ZFHX3: variants seen among roughly 807,000 people sequenced by gnomAD.
The protein encoded by ZFHX3 is zinc finger homeobox 3.
A neutral mutation model predicts 279.1 loss-of-function variants in ZFHX3; 42 were observed. The ratio of observed to expected loss-of-function variants is 0.15; its 90% CI spans 0.12 to 0.19. The LOEUF (loss-of-function observed/expected upper bound fraction) is 0.19. Among genes scored for constraint, ZFHX3 ranks in the 10% least tolerant of loss-of-function variants. ZFHX3 has a pLI of 1.00. For missense variants in ZFHX3, 4,981 were observed against 4,754.0 expected, an observed-to-expected ratio of 1.05 and a Z score of -1.40; for synonymous variants, 2,293 against 1,957.8, an observed-to-expected ratio of 1.17 and a Z score of -4.52.
intron 2 of ZFHX3, among the ~76,000 whole-genome samples, chr16:73,468,045 G>A (rs2018602622): frequency 6.6e-6 from 1 of 152,174 alleles, no homozygotes; most frequent in African/African-American, 2.4e-5. Flanking sequence ...GAAACTTTAG[G>A]TGGTGCATCA....
At chr16:73,459,482 C>A (rs750129713) in intron 2 of ZFHX3, among the ~76,000 whole-genome samples, 2 of 152,206 alleles carry the variant, frequency 1.3e-5, no homozygotes, top group Non-Finnish European at 2.9e-5. Context: ...CCTGCCTCAG[C>A]CTCCCAAGTA....
intron 3 of ZFHX3, among the ~76,000 whole-genome samples, chr16:73,320,397 C>T (rs908089711): frequency 2.0e-5 from 3 of 152,102 alleles, no homozygotes; most frequent in African/African-American, 2.4e-5. Flanking sequence ...CTCTAATAAC[C>T]GCGAGGGTGG....
intron 1 of ZFHX3, among the ~76,000 whole-genome samples, chr16:73,025,186 C>T (rs1443725774): frequency 6.6e-6 from 1 of 152,088 alleles, no homozygotes; most frequent in African/African-American, 2.4e-5. Context: ...AATGTCATGT[C>T]AGCTATGAAA....
At chr16:72,866,886 A>G (rs746402030) in intron 4 of ZFHX3, among the ~76,000 whole-genome samples, 5 of 152,232 alleles carry the variant, frequency 3.3e-5, no homozygotes, top group Non-Finnish European at 7.3e-5. Flanking sequence ...CCTTAACTGA[A>G]GCCAGAGAAT....
intron 5 of ZFHX3, among the ~76,000 whole-genome samples, chr16:72,820,412 G>A (rs370532437): frequency 6.6e-6 from 1 of 152,180 alleles, no homozygotes; most frequent in Admixed American, 6.5e-5. Flanking sequence ...CTCCCTCTGT[G>A]TCAGGTTTGC....
At chr16:73,682,886 GAAAGAAAGAA>G (rs1567550491) in intron 1 of ZFHX3, among the ~76,000 whole-genome samples, 2 of 61,324 alleles carry the variant, frequency 3.3e-5, no homozygotes, top group Admixed American at 1.4e-4. Flanking sequence ...AAGAAAGAAA[GAAAGAAAGAA>G]AGAAAGAAAG....
At chr16:73,539,753 G>A (rs1257741528) in intron 2 of ZFHX3, among the ~76,000 whole-genome samples, 1 of 150,232 alleles carries the variant, frequency 6.7e-6, no homozygotes, top group African/African-American at 2.5e-5. Context: ...GTGTGAAGAG[G>A]GAAGCTCTGT....
At chr16:73,061,540 T>A (rs1479233423), upstream of ZFHX3, 1 of 152,092 alleles carries the variant, frequency 6.6e-6, no homozygotes, top group Non-Finnish European at 1.5e-5. Context: ...CAACAGTTAA[T>A]CTTTTTTTTT....
At chr16:73,747,657 AGATAT>A (rs2053716423) in intron 1 of ZFHX3, among the ~76,000 whole-genome samples, 1 of 152,204 alleles carries the variant, frequency 6.6e-6, no homozygotes. Context: ...TCCCTCAGAT[AGATAT>A]AAGTATAGGT....
intron 3 of ZFHX3, among the ~76,000 whole-genome samples, chr16:73,369,791 C>T (rs1183754040): frequency 6.6e-6 from 1 of 152,138 alleles, no homozygotes; most frequent in Non-Finnish European, 1.5e-5. Flanking sequence ...CAAAGATATT[C>T]TTTAGTATAA....
chr16:73,344,316 A>T (rs1469522100), intron 3 of ZFHX3, among the ~76,000 whole-genome samples: 1 of 152,214 alleles, frequency 6.6e-6, no homozygotes, highest in East Asian at 1.9e-4. Context: ...ACCCAAATTG[A>T]GTAACCTTCT....
At chr16:73,693,352 G>C (rs1017473355) in intron 1 of ZFHX3, among the ~76,000 whole-genome samples, 5 of 152,094 alleles carry the variant, frequency 3.3e-5, no homozygotes, top group Admixed American at 1.3e-4. Flanking sequence ...CAATGCGCCT[G>C]ACCTATTTGA....
At chr16:73,787,896 T>C (rs1206956285) in intron 1 of ZFHX3, among the ~76,000 whole-genome samples, 1 of 150,690 alleles carries the variant, frequency 6.6e-6, no homozygotes, top group Non-Finnish European at 1.5e-5. Context: ...GGAATGCACA[T>C]CATTCTGTCC....
intron 1 of ZFHX3, among the ~76,000 whole-genome samples, chr16:73,038,787 C>T (rs1345499386): frequency 6.8e-6 from 1 of 147,028 alleles, no homozygotes; most frequent in African/African-American, 2.5e-5. Context: ...CTTTTTATTA[C>T]TATTATTATT....
At chr16:73,235,771 C>T (rs910303486) in intron 5 of ZFHX3, among the ~76,000 whole-genome samples, 1 of 152,046 alleles carries the variant, frequency 6.6e-6, no homozygotes, top group Non-Finnish European at 1.5e-5. Flanking sequence ...CTCCTGGGCT[C>T]AAGCAATCCT....
At chr16:73,275,649 T>C (rs2014275918) in intron 4 of ZFHX3, among the ~76,000 whole-genome samples, 1 of 152,206 alleles carries the variant, frequency 6.6e-6, no homozygotes, top group Non-Finnish European at 1.5e-5. Flanking sequence ...GAAAGGTTAA[T>C]GTTTATACTG....
chr16:72,851,496 T>C (rs1164597495), intron 4 of ZFHX3, among the ~76,000 whole-genome samples: 1 of 152,134 alleles, frequency 6.6e-6, no homozygotes, highest in Non-Finnish European at 1.5e-5. Flanking sequence ...TAATGGTGTC[T>C]AAATTCCTCT....
intron 3 of ZFHX3, among the ~76,000 whole-genome samples, chr16:72,894,956 G>C (rs569629400): frequency 6.6e-6 from 1 of 152,250 alleles, no homozygotes; most frequent in African/African-American, 2.4e-5. Flanking sequence ...CCTTTGTTGG[G>C]TCAGGAGTGT....
intron 1 of ZFHX3, among the ~76,000 whole-genome samples, chr16:73,025,701 T>C (rs1187161073): frequency 2.6e-5 from 4 of 152,138 alleles, no homozygotes; most frequent in African/African-American, 7.2e-5. Context: ...AGCCAGAGTA[T>C]TGTCAGGGCC....
Sources: gnomAD v4.1 joint callset for allele counts (sites outside exome capture counted in the v4.1 genomes callset) on GRCh38, gnomAD v4.1.1 for gene constraint, MANE v1.5 for transcripts, NCBI Gene and HGNC (gene_info 2026-07-23, HGNC 2026-07-21) for gene names.